NEK2: variants seen among roughly 807,000 people sequenced by gnomAD.
The protein encoded by NEK2 is NIMA related kinase 2, also known as serine/threonine-protein kinase Nek2.
NEK2 carries 28 observed loss-of-function variants against 54.1 expected under a neutral mutation model. That is an observed-to-expected ratio of 0.52 (90% CI 0.38 to 0.71). The LOEUF (loss-of-function observed/expected upper bound fraction) is 0.71, where lower values mean the gene tolerates loss of function less well. Among genes scored for constraint, NEK2 ranks in the 30% least tolerant of loss-of-function variants. The probability of loss-of-function intolerance (pLI) is 0.00; values close to 1 mark genes in which losing one functional copy is unlikely to be tolerated. For missense variants in NEK2, 407 were observed against 531.5 expected, an observed-to-expected ratio of 0.77 and a Z score of 2.30; for synonymous variants, 176 against 193.1, an observed-to-expected ratio of 0.91 and a Z score of 0.73.
chr1:211,674,972 C>A (rs1240028870), intron 1 of NEK2, among the ~76,000 whole-genome samples: 1 of 152,020 alleles, frequency 6.6e-6, no homozygotes, highest in Non-Finnish European at 1.5e-5. Context: ...AATATGAATC[C>A]AATAATCCTA....
downstream of NEK2, among the ~76,000 whole-genome samples, chr1:211,659,034 T>C (rs1346318574): frequency 2.6e-5 from 4 of 152,170 alleles, no homozygotes; most frequent in Non-Finnish European, 4.4e-5. Context: ...ACAGGAACAA[T>C]GCTTACACAC....
intron 6 of NEK2, among the ~76,000 whole-genome samples, chr1:211,668,183 T>G (rs1655238861): frequency 6.6e-6 from 1 of 152,172 alleles, no homozygotes; most frequent in Non-Finnish European, 1.5e-5. Context: ...TATACAATAT[T>G]TCATTATTTA....
chr1:211,669,900 G>T (rs969906852), intron 5 of NEK2, among the ~76,000 whole-genome samples: 5 of 152,070 alleles, frequency 3.3e-5, no homozygotes, highest in African/African-American at 1.2e-4. Flanking sequence ...CCCTTCTTCT[G>T]GTCTTTAATC....
intron 7 of NEK2, among the ~76,000 whole-genome samples, chr1:211,664,109 A>G (rs1270319638): frequency 1.3e-5 from 2 of 150,406 alleles, no homozygotes; most frequent in East Asian, 3.9e-4. Flanking sequence ...TTTTGGTTAA[A>G]TGTTCAAGAA....
intron 5 of NEK2, among the ~76,000 whole-genome samples, 169 bp downstream of exon 5, chr1:211,670,112 T>A (rs1380764030): frequency 6.6e-6 from 1 of 152,192 alleles, no homozygotes; most frequent in Non-Finnish European, 1.5e-5. Context: ...AGCAAGGATG[T>A]GCAATTTGCC....
In NEK2 at chr1:211,663,434, T is replaced by C. The variant is rs1200556151; in HGVS notation, c.1330A>G (p.Met444Val). 1.9e-6 allele frequency: 3 copies of C among 1,612,006 alleles called. No homozygotes were observed. Among genetic ancestry groups the C allele is most frequent in the South Asian group, 1.1e-5 (1 of 90,612 alleles). ...TGTGTCTCTCTACCTGGCTAGCGCA[T>C]GCCCAGGATCTGTCTGCTTTTCAGT... ...YQLKSRQILG[M>V]R The change falls in exon 8 of 8, where the codon ATG becomes GTG. Residue 444 changes from methionine (M) to valine (V), a missense_variant. Coordinates refer to ENST00000366999, the MANE Select transcript of NEK2 (RefSeq NM_002497.4).
Position 211,663,403 on chromosome 1 carries a change from C to T in NEK2, c.*23G>A. ...GGTTGGTAATATTACATCCTGTACA[C>T]AGCTCTGTGTCTCTCTACCTGGCTA... is the stretch of plus-strand genomic sequence containing the variant. On this transcript the variant is annotated 3_prime_UTR_variant, in exon 8 of 8. Transcript: ENST00000366999. The T allele has an allele frequency of 3.1e-6, 5 of 1,597,448 alleles. No homozygotes were observed. The highest frequency in any genetic ancestry group is 4.3e-6 in the Non-Finnish European group (5 of 1,169,938).
chr1:211,669,403 AT>A, intron 5 of NEK2, 71 bp from the exon 6 acceptor site: 1 of 1,355,556 alleles, frequency 7.4e-7, no homozygotes, highest in Non-Finnish European at 1.0e-6. Context: ...AGCAGTTAAA[AT>A]AAAAGGACAA....
intron 7 of NEK2, chr1:211,666,384 T>TAAGCC (rs1405858337): frequency 3.6e-6 from 2 of 551,218 alleles, no homozygotes; most frequent in Non-Finnish European, 4.6e-6. Context: ...TCATGCCTTT[T>TAAGCC]AAGCCATGCT....
downstream of NEK2, chr1:211,660,774 G>A (rs1486729797): frequency 1.2e-5 from 8 of 693,046 alleles, no homozygotes; most frequent in East Asian, 9.2e-5. Flanking sequence ...AACTCTGCAG[G>A]AAGAGCTCAA....
intron 6 of NEK2, among the ~76,000 whole-genome samples, chr1:211,667,754 A>G (rs1268637568): frequency 6.6e-6 from 1 of 152,248 alleles, no homozygotes; most frequent in Non-Finnish European, 1.5e-5. Flanking sequence ...CAGTTGCTAT[A>G]TGAAATTATG....
intron 5 of NEK2, chr1:211,669,590 C>A: frequency 2.2e-6 from 1 of 452,002 alleles, no homozygotes; most frequent in Non-Finnish European, 4.0e-6. Context: ...GGTTCAATCC[C>A]TGAAGATTGG....
intron 6 of NEK2, 125 bp downstream of exon 6, chr1:211,668,988 A>G (rs1655267764): frequency 1.1e-6 from 1 of 939,344 alleles, no homozygotes; most frequent in Admixed American, 2.3e-5. Context: ...TGGTTTCTCA[A>G]GTATTTTTCA....
chr1:211,669,245 T>G lies in NEK2; in HGVS notation c.853A>C (p.Arg285=). ...GGCTCTCCTAATTGTCGCCCTCTTCTCTCAAGATTTCTTCTTTGCTCGTCT... is the reference window on the plus strand; with the variant it reads ...GGCTCTCCTAATTGTCGCCCTCTTCGCTCAAGATTTCTTCTTTGCTCGTCT... ...VADEQRRNLE[R]RGRQLGEPEK... The change falls in exon 6 of 8, where the codon AGA becomes CGA. Residue 285 remains arginine, a synonymous_variant. Coordinates refer to ENST00000366999, the MANE Select transcript of NEK2 (RefSeq NM_002497.4). The G allele has an allele frequency of 6.2e-7, 1 of 1,614,120 alleles. No homozygotes were observed. Among genetic ancestry groups the G allele is most frequent in the South Asian group, 1.1e-5 (1 of 91,078 alleles).
At chr1:211,658,636 C>T, downstream of NEK2, 1 of 427,340 alleles carries the variant, frequency 2.3e-6, no homozygotes, top group Non-Finnish European at 4.6e-6. Flanking sequence ...GGGAGGATTA[C>T]TTGAGCCTAC....
At position 211,667,150 on chromosome 1, in the gene NEK2, C is replaced by T. The variant is rs779397609; in HGVS notation, c.1067G>A (p.Ser356Asn). ...ARAENLLKNY[S>N]LLKERKFLSL... is the part of the protein sequence containing the mutation. Reference sequence around the variant, plus strand: ...CAGGAACTTCCGTTCCTTTAGCAAGCTGTAGTTCTTCAACAGATTTTCTGC... The same window carrying T: ...CAGGAACTTCCGTTCCTTTAGCAAGTTGTAGTTCTTCAACAGATTTTCTGC... The change falls in exon 7 of 8, where the codon AGC (serine) becomes AAC (asparagine). Residue 356 changes from serine to asparagine, a missense_variant. By Grantham distance (46) the Ser-to-Asn change is conservative. Coordinates refer to ENST00000366999, the MANE Select transcript of NEK2 (RefSeq NM_002497.4). 7.4e-6 allele frequency: 12 copies of T among 1,613,712 alleles called. No homozygotes were observed. Among genetic ancestry groups the T allele is most frequent in the Admixed American group, 1.7e-5 (1 of 59,956 alleles).
chr1:211,670,401 T>G lies in NEK2; in HGVS notation c.645A>C (p.Pro215=). 1 of 1,612,926 alleles carries G rather than the reference T, an allele frequency of 6.2e-7. No individual in the cohort carries two copies. The highest frequency in any genetic ancestry group is 8.5e-7 in the Non-Finnish European group (1 of 1,179,584). Residue 215 remains proline, a synonymous_variant, in exon 5 of 8, where the codon CCA becomes CCC. Transcript: ENST00000366999. ...LLYELCALMP[P]FTAFSQKELA... ...GTTCTTTCTGGCTAAAAGCTGTAAA[T>G]GGAGGCCTAGGGTTAAAAAAGAAGA... is the stretch of plus-strand genomic sequence containing the variant.
In NEK2 at chr1:211,663,315, A is replaced by G; in HGVS notation, c.*111T>C. ...TTCCGAAATATCATGTGTACTATAC[A>G]GAAAGGCATGGCTCATGGAACCAAG... On this transcript the variant is annotated 3_prime_UTR_variant, in exon 8 of 8. Coordinates refer to ENST00000366999, the MANE Select transcript of NEK2 (RefSeq NM_002497.4). 1 of 1,490,522 alleles carries G rather than the reference A, an allele frequency of 6.7e-7. No individual in the cohort carries two copies. Among genetic ancestry groups the G allele is most frequent in the South Asian group, 1.4e-5 (1 of 73,446 alleles). The allele number at this position is 1,490,522 out of a possible 1,614,324, so 92.3% of individuals were successfully genotyped here.
rs764902820 is a variant in NEK2 at position 211,671,322 on chromosome 1, A to C, written c.556-38T>G. 2.7e-6 allele frequency: 4 copies of C among 1,471,164 alleles called. No homozygotes were observed. The East Asian group carries it at 9.1e-5, about 33-fold the overall frequency. The allele number at this position is 1,471,164 out of a possible 1,614,324, so 91.1% of individuals were successfully genotyped here. A position where few individuals can be genotyped will look rare whatever the true frequency, so the allele number is the denominator to read the frequency against. The stretch of plus-strand genomic sequence containing the variant: ...AAAGGGTAAGAAAGTGGAAGGTGTT[A>C]AGAGTTTATTTTGTTTTGAAACTTA... On this transcript the variant is annotated intron_variant, in intron 3 of 7. Transcript: ENST00000366999.
Sources: gnomAD v4.1 joint callset for allele counts (sites outside exome capture counted in the v4.1 genomes callset) on GRCh38, gnomAD v4.1.1 for gene constraint, MANE v1.5 for transcripts, NCBI Gene and HGNC (gene_info 2026-07-23, HGNC 2026-07-21) for gene names.